Variants in MBD3 observed in about 807,000 individuals in gnomAD.
MBD3 encodes methyl-CpG binding domain protein 3.
A neutral mutation model predicts 31.2 loss-of-function variants in MBD3; 13 were observed. The observed-to-expected ratio is 0.42, with a 90% CI of 0.27 to 0.66. The LOEUF is 0.66. Among genes scored for constraint, MBD3 ranks in the 30% least tolerant of loss-of-function variants. MBD3 has a pLI of 0.26. For synonymous variants in MBD3, 223 were observed against 187.4 expected (o/e 1.19, Z -1.55); for missense variants, 440 against 426.5 (o/e 1.03, Z -0.28).
At chr19:1,579,356 G>A (rs1297806728) in intron 5 of MBD3, among the ~76,000 whole-genome samples, 4 of 151,744 alleles carry the variant, frequency 2.6e-5, no homozygotes, top group Non-Finnish European at 5.9e-5. Context: ...CCACACCCTC[G>A]TCTCAACCCA....
At chr19:1,582,509 TA>T in intron 4 of MBD3, 112 bp downstream of exon 4, 2 of 1,039,074 alleles carry the variant, frequency 1.9e-6, no homozygotes, top group Non-Finnish European at 2.9e-6. Flanking sequence ...AGATTTGCCC[TA>T]AGCACCCAAA....
At chr19:1,581,662 T>C (rs781117132) in intron 4 of MBD3, 86 of 335,676 alleles carry the variant, frequency 2.6e-4, no homozygotes, top group Non-Finnish European at 4.0e-4. Flanking sequence ...AGAGAACCAC[T>C]TGAGCCCGGG....
Position 1,582,755 on chromosome 19 carries a change from T to C in MBD3, c.409-43A>G, listed in dbSNP as rs760314544. 25 of 1,561,348 alleles carry C rather than the reference T, an allele frequency of 1.6e-5. No individual in the cohort carries two copies. In the South Asian group the frequency reaches 2.6e-4, roughly 16 times the overall value. ...GTGAACCTCAAGAGTGGCCCTGCCC[T>C]CTCCCCACTCCAGGTCCTTGCTGGG... On this transcript the variant is annotated intron_variant, in intron 3 of 6. Coordinates refer to ENST00000434436, the MANE Select transcript of MBD3 (RefSeq NM_001281453.2).
At chr19:1,581,015 G>A in intron 5 of MBD3, 77 bp downstream of exon 5, 1 of 1,562,110 alleles carries the variant, frequency 6.4e-7, no homozygotes, top group South Asian at 1.1e-5. Context: ...GAAGCACGCA[G>A]GCACACGGGG....
intron 1 of MBD3, chr19:1,586,188 T>C (rs1483591705): frequency 6.6e-6 from 1 of 151,948 alleles, no homozygotes; most frequent in Non-Finnish European, 1.5e-5. Flanking sequence ...ATCCACACCA[T>C]CACTTCTACA....
At chr19:1,579,268 G>GGGGGTCA (rs1214469828) in intron 5 of MBD3, among the ~76,000 whole-genome samples, 1 of 148,966 alleles carries the variant, frequency 6.7e-6, no homozygotes, top group Non-Finnish European at 1.5e-5. Flanking sequence ...CTCGCAGGCC[G>GGGGGTCA]GGGGTCACCT....
rs1429276979 is a variant in MBD3, at chr19:1,578,555, C to T, written c.678-17G>A. On this transcript the variant is annotated splice_polypyrimidine_tract_variant and intron_variant, in intron 5 of 6. Transcript: ENST00000434436. The surrounding 1 kb of genome is among the most constrained non-coding windows in gnomAD (Gnocchi z 6.1). ...TCCTGCTTCCTGGGGACACATGGAC[C>T]TTGCGTTACACCAAGGTGAGCGGCC... The T allele has an allele frequency of 6.2e-7, 1 of 1,611,322 alleles. No individual in the cohort carries two copies. Among genetic ancestry groups the T allele is most frequent in the Admixed American group, 1.7e-5 (1 of 60,028 alleles).
intron 5 of MBD3, among the ~76,000 whole-genome samples, chr19:1,579,391 CT>C (rs1192653317): frequency 6.6e-6 from 1 of 151,940 alleles, no homozygotes; most frequent in Non-Finnish European, 1.5e-5. Context: ...GGGCCTCCTC[CT>C]CGGGGCCTAC....
intron 1 of MBD3, 127 bp downstream of exon 1, chr19:1,592,395 C>A: frequency 4.5e-6 from 1 of 222,914 alleles, no homozygotes; most frequent in Non-Finnish European, 8.3e-6. Context: ...GCACGCAAGA[C>A]GCACGCACGC....
chr19:1,582,578 A>C lies in MBD3; in HGVS notation c.499+44T>G, dbSNP rs749328438. The C allele has an allele frequency of 5.7e-6, 9 of 1,583,590 alleles. No individual in the cohort carries two copies. The South Asian group carries it at 1.0e-4, about 18-fold the overall frequency. ...AGGGCACCTGCAGCACCTCCACCCC[A>C]CCCGGCACATCCCCTTCCGCCTCCC... On this transcript the variant is annotated intron_variant, in intron 4 of 6. Transcript: ENST00000434436.
chr19:1,592,574 CT>C lies in MBD3; in HGVS notation c.57del (p.Val20CysfsTer40). ...GCCGACAGCCCCGACCTTCTGGGCACTTCTTCCCTCTCCCAGCCCTGCGGGA... is the reference window on the plus strand; with the variant it reads ...GCCGACAGCCCCGACCTTCTGGGCACTCTTCCCTCTCCCAGCCCTGCGGGA... ...PALPQGWERE[E>X]VPRRSGLSAG... is the part of the protein sequence containing the mutation. On this transcript the variant is annotated frameshift_variant, in exon 1 of 7. Transcript: ENST00000434436. LOFTEE classifies it high-confidence loss of function. The C allele has an allele frequency of 6.9e-7, 1 of 1,444,946 alleles. No individual in the cohort carries two copies. Among genetic ancestry groups the C allele is most frequent in the Non-Finnish European group, 9.3e-7 (1 of 1,077,212 alleles). The allele number at this position is 1,444,946 out of a possible 1,614,324, so 89.5% of individuals were successfully genotyped here. A position where few individuals can be genotyped will look rare whatever the true frequency, so the allele number is the denominator to read the frequency against.
In MBD3 at chr19:1,578,322, G is replaced by A. The variant is rs181266456; in HGVS notation, c.*5+13C>T. The A allele has an allele frequency of 1.3e-3, 2,007 of 1,601,366 alleles. 29 individuals are homozygous for A. In the African/African-American group the frequency reaches 0.024, roughly 19 times the overall value. On this transcript the variant is annotated intron_variant, in intron 6 of 6. Transcript: ENST00000434436. This position sits in a 1 kb window ranked among gnomAD's most constrained non-coding sequence, Gnocchi z 6.1. Reference sequence around the variant, plus strand: ...GGACCCGACTCCAGGGAGCCCCCGTGGCCCCGCAGCACCTGCCCTAGACGT... The same window carrying A: ...GGACCCGACTCCAGGGAGCCCCCGTAGCCCCGCAGCACCTGCCCTAGACGT...
At position 1,584,655 on chromosome 19, in the gene MBD3, G is replaced by A. The variant is rs1399658369; in HGVS notation, c.293C>T (p.Ala98Val). The part of the protein sequence containing the change: ...QVKGKPDLNT[A>V]LPVRQTASIF... ...GGACGCCGTCTGGCGCACGGGCAGC[G>A]CCGTGTTCAGGTCGGGCTTGCCCTG... The change falls in exon 3 of 7, where the codon GCG becomes GTG. Residue 98 changes from alanine to valine, a missense_variant. Transcript: ENST00000434436. 6 of 1,612,928 alleles carry A rather than the reference G, an allele frequency of 3.7e-6. No homozygotes were observed. Among genetic ancestry groups the A allele is most frequent in the Non-Finnish European group, 5.1e-6 (6 of 1,179,790 alleles).
intron 1 of MBD3, among the ~76,000 whole-genome samples, chr19:1,590,438 G>A (rs1411567162): frequency 6.6e-6 from 1 of 152,010 alleles, no homozygotes; most frequent in African/African-American, 2.4e-5. Context: ...TCTAGTCTAG[G>A]CAACACAGCA....
intron 1 of MBD3, chr19:1,592,314 C>CT (rs2060707905): frequency 6.1e-6 from 1 of 164,618 alleles, no homozygotes; most frequent in African/African-American, 2.4e-5. Flanking sequence ...AGTCCCTGAA[C>CT]GGCCGGCCGA....
intron 1 of MBD3, chr19:1,592,244 CCGCCA>C (rs2060707294): frequency 6.5e-6 from 1 of 154,880 alleles, no homozygotes; most frequent in Admixed American, 6.5e-5. Context: ...CATCTGGCCG[CCGCCA>C]GGCGCCCCTG....
rs771021461 is a variant in MBD3 at position 1,578,149 on chromosome 19, G to A, written c.*15C>T. 50 of 907,626 alleles carry A rather than the reference G, an allele frequency of 5.5e-5. 1 individual carries two copies. Among genetic ancestry groups the A allele is most frequent in the African/African-American group, 8.4e-5 (5 of 59,832 alleles). The allele number at this position is 907,626 out of a possible 1,614,324, so 56.2% of individuals were successfully genotyped here. ...GCTCCAGCAGGCAGCACGGGCTCTCGGCAGGGCCTCTGGAAAGGACAGGGA... is the reference window on the plus strand; with the variant it reads ...GCTCCAGCAGGCAGCACGGGCTCTCAGCAGGGCCTCTGGAAAGGACAGGGA... On this transcript the variant is annotated 3_prime_UTR_variant, in exon 7 of 7. Transcript: ENST00000434436. The surrounding 1 kb of genome is among the most constrained non-coding windows in gnomAD (Gnocchi z 6.1).
At chr19:1,591,273 CCT>C (rs1341721925) in intron 1 of MBD3, among the ~76,000 whole-genome samples, 12 of 152,204 alleles carry the variant, frequency 7.9e-5, no homozygotes, top group Non-Finnish European at 1.5e-5. Flanking sequence ...CCAAGTTTCC[CCT>C]CTCTTGCTGT....
At chr19:1,592,390 C>T (rs2060708658) in intron 1 of MBD3, 132 bp downstream of exon 1, 1 of 219,078 alleles carries the variant, frequency 4.6e-6, no homozygotes, top group South Asian at 1.6e-4. Context: ...CACACGCACG[C>T]AAGACGCACG....
Sources: allele counts gnomAD v4.1 joint callset (sites outside exome capture counted in the v4.1 genomes callset), GRCh38; gene constraint gnomAD v4.1.1; non-coding constraint Gnocchi (gnomAD v3.1); transcripts MANE v1.5; gene names NCBI Gene and HGNC (gene_info 2026-07-23, HGNC 2026-07-21).